ZC3H13: variants seen among roughly 807,000 people sequenced by gnomAD.
The protein encoded by ZC3H13 is zinc finger CCCH domain-containing protein 13.
In ZC3H13, 64 loss-of-function variants were observed where a neutral mutation model predicts 204.1. The observed-to-expected ratio is 0.31, with a 90% CI of 0.26 to 0.39. ZC3H13 has a LOEUF of 0.39. Ranked by LOEUF, ZC3H13 falls within the 10% of genes least tolerant of loss-of-function variation. The pLI is 1.00. For missense variants in ZC3H13, 1,833 were observed against 2,082.7 expected (o/e 0.88, Z 2.33); for synonymous variants, 667 against 693.7 (o/e 0.96, Z 0.60).
chr13:46,041,060 G>A (rs2043547784), intron 4 of ZC3H13, among the ~76,000 whole-genome samples: 1 of 152,106 alleles, frequency 6.6e-6, no homozygotes, highest in East Asian at 1.9e-4. Context: ...CGTAGAACTT[G>A]TCAACTCCAC....
chr13:45,975,297 A>T lies in ZC3H13; in HGVS notation c.2454T>A (p.Asp818Glu). Residue 818 changes from aspartate (D) to glutamate (E), a missense_variant, in exon 12 of 19, where the codon GAT (aspartate) becomes GAA (glutamate). Asp to Glu is a conservative substitution (Grantham distance 45). Around this residue, in one of 5 missense-constraint regions of ZC3H13, gnomAD observed 1,574 missense variants for 1,757.2 expected, o/e 0.90. Coordinates refer to ENST00000679008, the MANE Select transcript of ZC3H13 (RefSeq NM_001330564.2). ...ATTATTCTTACTTTGATTTTCTTTC[A>T]TCATGTCCATCTCTTGGATTCCTAT... ...REDRNPRDGH[D>E]ERKSKKRYRN... The T allele has an allele frequency of 6.2e-7, 1 of 1,609,780 alleles. No homozygotes were observed. Among genetic ancestry groups the T allele is most frequent in the East Asian group, 2.2e-5 (1 of 44,744 alleles).
chr13:45,973,767 G>A (rs1199692330), intron 12 of ZC3H13, among the ~76,000 whole-genome samples: 9 of 123,010 alleles, frequency 7.3e-5, no homozygotes, highest in Non-Finnish European at 1.4e-4. Context: ...AAAGAGGTCA[G>A]AAAAGTAGCG....
intron 6 of ZC3H13, 59 bp downstream of exon 6, chr13:46,011,356 C>T: frequency 6.8e-7 from 1 of 1,465,772 alleles, no homozygotes; most frequent in Non-Finnish European, 9.1e-7. Context: ...GCTGAGTTAT[C>T]TGATCAATAC....
chr13:46,046,380 C>G (rs1301298007), intron 1 of ZC3H13, among the ~76,000 whole-genome samples: 1 of 151,456 alleles, frequency 6.6e-6, no homozygotes, highest in Non-Finnish European at 1.5e-5. Flanking sequence ...TTTTAAGGGC[C>G]AGGCACAGTG....
chr13:45,999,877 C>T (rs1320445824), intron 8 of ZC3H13, among the ~76,000 whole-genome samples: 1 of 152,114 alleles, frequency 6.6e-6, no homozygotes, highest in Non-Finnish European at 1.5e-5. Flanking sequence ...CTGTAGGGTG[C>T]CTTTTGTCTT....
In ZC3H13 at chr13:46,052,692, C is replaced by A; in HGVS notation, c.-298G>T. ...GTAGATTAAGAAAAGGCAACAAAAA[C>A]ACTACCAGGCCGCTAGGAGGACCGC... On this transcript the variant is annotated 5_prime_UTR_variant, in exon 1 of 19. Coordinates refer to ENST00000679008, the MANE Select transcript of ZC3H13 (RefSeq NM_001330564.2). 1 of 398,658 alleles carries A rather than the reference C, an allele frequency of 2.5e-6. No homozygotes were observed. Among genetic ancestry groups the A allele is most frequent in the South Asian group, 1.3e-4 (1 of 7,858 alleles). 24.7% of individuals were successfully genotyped at this position (398,658 alleles called of 1,614,324 possible).
At chr13:45,964,846 T>G (rs968722224) in intron 16 of ZC3H13, among the ~76,000 whole-genome samples, 1 of 152,126 alleles carries the variant, frequency 6.6e-6, no homozygotes, top group Non-Finnish European at 1.5e-5. Context: ...TTTAGAAAAT[T>G]GATAGAGGTA....
intron 8 of ZC3H13, among the ~76,000 whole-genome samples, chr13:45,995,738 C>T (rs968454857): frequency 6.6e-6 from 1 of 152,166 alleles, no homozygotes. Context: ...CTTTCTGAGG[C>T]CCCACCAGCA....
rs918079908 is a variant in ZC3H13 at position 45,985,902 on chromosome 13, C to G, written c.1256-141G>C. 1.0e-5 allele frequency: 8 copies of G among 782,448 alleles called. No individual in the cohort carries two copies. In the African/African-American group the frequency reaches 1.4e-4, roughly 14 times the overall value. 48.5% of individuals were successfully genotyped at this position (782,448 alleles called of 1,614,324 possible). Reference sequence around the variant, plus strand: ...TGCAAAAAATAAAGAAGCTAAAATTCCAAAGATAATTAACACCTGATAAGA... The same window carrying G: ...TGCAAAAAATAAAGAAGCTAAAATTGCAAAGATAATTAACACCTGATAAGA... On this transcript the variant is annotated intron_variant, in intron 9 of 18. Transcript: ENST00000679008.
chr13:45,985,496 G>A lies in ZC3H13; in HGVS notation c.1521C>T (p.Tyr507=). Residue 507 remains tyrosine, a synonymous_variant, in exon 10 of 19, where the codon TAC becomes TAT. Coordinates refer to ENST00000679008, the MANE Select transcript of ZC3H13 (RefSeq NM_001330564.2). ...GAGTATCTCGACCTTCACGGTCCCT[G>A]TAGTCATGGGCATCACGAGTGGACC... ...DSRSTRDAHD[Y]RDREGRDTHR... is the part of the protein sequence containing the mutation. 1 of 1,614,168 alleles carries A rather than the reference G, an allele frequency of 6.2e-7. No homozygotes were observed. Among genetic ancestry groups the A allele is most frequent in the Non-Finnish European group, 8.5e-7 (1 of 1,180,038 alleles).
intron 9 of ZC3H13, among the ~76,000 whole-genome samples, chr13:45,986,481 G>A (rs1199308798): frequency 3.3e-5 from 5 of 152,058 alleles, no homozygotes; most frequent in African/African-American, 1.2e-4. Flanking sequence ...ATAAATACTT[G>A]CACTTTTTAA....
intron 4 of ZC3H13, among the ~76,000 whole-genome samples, chr13:46,032,934 G>T (rs1049739222): frequency 2.6e-5 from 4 of 151,506 alleles, no homozygotes; most frequent in Admixed American, 6.6e-5. Context: ...CTAAGAAAAA[G>T]AAAAAAGGTG....
chr13:45,998,402 T>C (rs569589491), intron 8 of ZC3H13, among the ~76,000 whole-genome samples: 5 of 152,048 alleles, frequency 3.3e-5, no homozygotes, highest in Admixed American at 2.6e-4. Flanking sequence ...TCCCAGCACT[T>C]TGGGAGGCTG....
chr13:45,969,602 T>C lies in ZC3H13; in HGVS notation c.2942A>G (p.Asn981Ser). 6.2e-7 allele frequency: 1 copy of C among 1,611,668 alleles called. No individual in the cohort carries two copies. Among genetic ancestry groups the C allele is most frequent in the South Asian group, 1.1e-5 (1 of 90,176 alleles). ...ACCATCTTCAGATGTTGTCTCTATG[T>C]TACCCCTCTCTATTCCAACATCATC... ...KEDDVGIERG[N>S]IETTSEDGQV... is the part of the protein sequence containing the mutation. Residue 981 changes from asparagine (N) to serine (S), a missense_variant, in exon 14 of 19, where the codon AAC (asparagine) becomes AGC (serine). By Grantham distance (46) the Asn-to-Ser change is conservative. Coordinates refer to ENST00000679008, the MANE Select transcript of ZC3H13 (RefSeq NM_001330564.2).
chr13:46,032,863 TAC>T (rs1486143066), intron 4 of ZC3H13, among the ~76,000 whole-genome samples: 1 of 152,098 alleles, frequency 6.6e-6, no homozygotes, highest in Non-Finnish European at 1.5e-5. Context: ...TGATCTCTGG[TAC>T]AGTGTTAAGT....
intron 4 of ZC3H13, among the ~76,000 whole-genome samples, chr13:46,026,867 TCAA>T (rs1242416472): frequency 1.3e-5 from 2 of 151,934 alleles, no homozygotes; most frequent in African/African-American, 2.4e-5. Flanking sequence ...TTCAACAAAT[TCAA>T]CAACAACAAA....
chr13:46,049,342 GATAT>G (rs148827337), intron 1 of ZC3H13, among the ~76,000 whole-genome samples: 4 of 151,852 alleles, frequency 2.6e-5, no homozygotes, highest in African/African-American at 7.3e-5. Context: ...TCTTTAATGT[GATAT>G]ATATATGTGT....
At chr13:45,963,664 A>C in intron 17 of ZC3H13, 178 bp downstream of exon 17, 1 of 1,432,100 alleles carries the variant, frequency 7.0e-7, no homozygotes, top group Non-Finnish European at 9.1e-7. Context: ...TCTTCTTCTC[A>C]AAATAAATTT....
In ZC3H13 at chr13:46,011,412, T is replaced by A; in HGVS notation, c.588+3A>T. 6.2e-7 allele frequency: 1 copy of A among 1,603,670 alleles called. No individual in the cohort carries two copies. Among genetic ancestry groups the A allele is most frequent in the Non-Finnish European group, 8.5e-7 (1 of 1,176,278 alleles). ...AACATATTTATTGCAATAAATAGCA[T>A]ACCTCCTTTTTAATGATAATTTCTT... is the stretch of plus-strand genomic sequence containing the variant. On this transcript the variant is annotated splice_donor_region_variant and intron_variant, in intron 6 of 18. Coordinates refer to ENST00000679008, the MANE Select transcript of ZC3H13 (RefSeq NM_001330564.2).
Sources: allele counts gnomAD v4.1 joint callset (sites outside exome capture counted in the v4.1 genomes callset), GRCh38; gene constraint gnomAD v4.1.1; regional missense constraint gnomAD v4.1.1; transcripts MANE v1.5; gene names NCBI Gene and HGNC (gene_info 2026-07-23, HGNC 2026-07-21).